The following ZNF670 variants were observed in gnomAD, a reference collection of about 807,000 sequenced individuals.
ZNF670 encodes the protein zinc finger protein 670.
ZNF670 carries 7 observed loss-of-function variants against 10.9 expected under a neutral mutation model. That is an observed-to-expected ratio of 0.64 (90% confidence interval 0.36 to 1.20). The LOEUF (loss-of-function observed/expected upper bound fraction) is 1.20, where lower values mean the gene tolerates loss of function less well. ZNF670 is among the 50% of genes most tolerant of loss of function. The probability of loss-of-function intolerance (pLI) is 0.02; values close to 1 mark genes in which losing one functional copy is unlikely to be tolerated. For missense variants in ZNF670, 446 were observed against 458.6 expected (o/e 0.97, Z 0.25); for synonymous variants, 136 against 152.7 (o/e 0.89, Z 0.81).
At chr1:247,064,038 C>T (rs993084706) in intron 1 of ZNF670, among the ~76,000 whole-genome samples, 2 of 152,242 alleles carry the variant, frequency 1.3e-5, no homozygotes, top group African/African-American at 4.8e-5. Context: ...CTGGGTCTGG[C>T]CTCAGCCAAT....
chr1:247,070,471 A>AAAAC (rs368795756), intron 1 of ZNF670, among the ~76,000 whole-genome samples: 3,268 of 152,246 alleles, frequency 0.021, 127 homozygotes, highest in African/African-American at 0.073. Flanking sequence ...ACTCCGTCTC[A>AAAAC]AAACAAACAA....
intron 1 of ZNF670, among the ~76,000 whole-genome samples, chr1:247,045,461 C>T (rs1372191752): frequency 6.6e-6 from 1 of 152,078 alleles, no homozygotes. Context: ...GAGGCTGGAC[C>T]TTCCTCCTCC....
At chr1:247,076,653 A>ACT (rs1229646002) in intron 1 of ZNF670, among the ~76,000 whole-genome samples, 1 of 125,470 alleles carries the variant, frequency 8.0e-6, no homozygotes, top group Non-Finnish European at 1.6e-5. Flanking sequence ...TTTAGAATAA[A>ACT]CTCTCTTTTT....
At chr1:247,043,778 T>A in intron 1 of ZNF670, 1 of 371,582 alleles carries the variant, frequency 2.7e-6, no homozygotes, top group Non-Finnish European at 5.2e-6. Flanking sequence ...CCTACTGATT[T>A]GCAGAAACTG....
intron 1 of ZNF670, among the ~76,000 whole-genome samples, chr1:247,049,909 T>G (rs1572561098): frequency 1.3e-5 from 2 of 152,246 alleles, no homozygotes; most frequent in African/African-American, 4.8e-5. Context: ...ATTTTGATTT[T>G]CTTAAATTTA....
chr1:247,044,446 C>T (rs944835945), intron 1 of ZNF670, among the ~76,000 whole-genome samples: 1 of 152,166 alleles, frequency 6.6e-6, no homozygotes, highest in Non-Finnish European at 1.5e-5. Flanking sequence ...CCAGCAATCC[C>T]ATTACTGGAT....
intron 1 of ZNF670, chr1:247,042,792 T>C: frequency 2.1e-6 from 1 of 478,576 alleles, no homozygotes; most frequent in Non-Finnish European, 3.8e-6. Context: ...CTGAGTTCCA[T>C]GAAAATGTCT....
At chr1:247,040,448 A>C (rs1434395197) in intron 1 of ZNF670, among the ~76,000 whole-genome samples, 1 of 152,194 alleles carries the variant, frequency 6.6e-6, no homozygotes. Context: ...ATAGCCTTAA[A>C]AAATTCCATC....
At chr1:247,060,921 T>C (rs1318915972) in intron 1 of ZNF670, among the ~76,000 whole-genome samples, 2 of 152,198 alleles carry the variant, frequency 1.3e-5, no homozygotes. Flanking sequence ...AGTATTCATC[T>C]GGTTGTCATT....
chr1:247,037,495 C>A lies in ZNF670; in HGVS notation c.1124G>T (p.Ser375Ile). Reference sequence around the variant, plus strand: ...ATGCTTTCGAAGGGAACTGGAACAACTGAAGGCTTTACCACATTTCTTACA... The same window carrying A: ...ATGCTTTCGAAGGGAACTGGAACAAATGAAGGCTTTACCACATTTCTTACA... ...YECKKCGKAF[S>I]CSSSLRKHER... Residue 375 changes from serine (S) to isoleucine (I), a missense_variant, in exon 4 of 4, where the codon AGT becomes ATT. Transcript: ENST00000366503. 1 of 1,613,952 alleles carries A rather than the reference C, an allele frequency of 6.2e-7. No individual in the cohort carries two copies. Among genetic ancestry groups the A allele is most frequent in the South Asian group, 1.1e-5 (1 of 91,058 alleles).
chr1:247,068,829 CAAAA>C (rs35582452), intron 1 of ZNF670, among the ~76,000 whole-genome samples: 2 of 85,600 alleles, frequency 2.3e-5, no homozygotes, highest in Non-Finnish European at 2.2e-5. Context: ...ACTATTTTGC[CAAAA>C]AAAAAAAAAA....
intron 2 of ZNF670, among the ~76,000 whole-genome samples, chr1:247,039,110 G>A (rs577946092): frequency 6.9e-6 from 1 of 144,026 alleles, no homozygotes; most frequent in African/African-American, 2.7e-5. Flanking sequence ...CCAGGCTGGA[G>A]TGCAGTGGCT....
rs779838721 is a variant in ZNF670 at position 247,037,928 on chromosome 1, C to T, written c.691G>A (p.Gly231Ser). The T allele has an allele frequency of 2.5e-6, 4 of 1,613,828 alleles. No homozygotes were observed. In the African/African-American group the frequency reaches 5.3e-5, roughly 22 times the overall value. Reference sequence around the variant, plus strand: ...GAACTGGAAAAAGTGAATGATTTACCACATTTCTTACATGCATAGGGTTTC... The same window carrying T: ...GAACTGGAAAAAGTGAATGATTTACTACATTTCTTACATGCATAGGGTTTC... ...GEKPYACKKC[G>S]KSFTFSSSLR... Residue 231 changes from glycine (G) to serine (S), a missense_variant, in exon 4 of 4, where the codon GGT (glycine) becomes AGT (serine). Coordinates refer to ENST00000366503, the MANE Select transcript of ZNF670 (RefSeq NM_033213.5).
intron 1 of ZNF670, chr1:247,043,629 C>G: frequency 1.8e-6 from 1 of 555,108 alleles, no homozygotes; most frequent in Non-Finnish European, 3.5e-6. Flanking sequence ...CATCAAAAAT[C>G]AAAATGTGGA....
chr1:247,044,785 A>G (rs1670399619), intron 1 of ZNF670, among the ~76,000 whole-genome samples: 1 of 152,198 alleles, frequency 6.6e-6, no homozygotes, highest in Non-Finnish European at 1.5e-5. Flanking sequence ...TGGGAGCAAC[A>G]GACACTGGGG....
At chr1:247,060,418 A>C (rs1367466418) in intron 1 of ZNF670, among the ~76,000 whole-genome samples, 1 of 152,260 alleles carries the variant, frequency 6.6e-6, no homozygotes. Context: ...TCCATACGCA[A>C]GGAAATAAAA....
At chr1:247,052,726 C>T (rs1182969020) in intron 1 of ZNF670, among the ~76,000 whole-genome samples, 1 of 152,102 alleles carries the variant, frequency 6.6e-6, no homozygotes, top group Non-Finnish European at 1.5e-5. Context: ...GTTGGTTGGC[C>T]AGCAGCCAGG....
At chr1:247,039,355 C>A in intron 2 of ZNF670, 56 bp downstream of exon 2, 1 of 1,579,226 alleles carries the variant, frequency 6.3e-7, no homozygotes, top group South Asian at 1.2e-5. Context: ...GCCACCACGC[C>A]CAGCCAAAAC....
rs1305111154 is a variant in ZNF670, at chr1:247,035,900, T to G, written c.*1549A>C. On this transcript the variant is annotated 3_prime_UTR_variant, in exon 4 of 4. Transcript: ENST00000366503. ...TTGCAGAAAACTTACTGGATGAGCA[T>G]CCCTAATCCAAATATCAAAAATCCT... 6.6e-6 allele frequency among the ~76,000 whole-genome samples: 1 copy of G among 152,186 alleles called. No individual in the cohort carries two copies. Among genetic ancestry groups the G allele is most frequent in the African/African-American group, 2.4e-5 (1 of 41,452 alleles).
Sources: allele counts gnomAD v4.1 joint callset (sites outside exome capture counted in the v4.1 genomes callset), GRCh38; gene constraint gnomAD v4.1.1; transcripts MANE v1.5; gene names NCBI Gene and HGNC (gene_info 2026-07-23, HGNC 2026-07-21).